LZTS1: variants seen among roughly 807,000 people sequenced by gnomAD.
LZTS1 encodes the protein leucine zipper tumor suppressor 1.
Under a neutral mutation model 45.8 loss-of-function variants are expected in LZTS1, and 31 were observed. That is an observed-to-expected ratio of 0.68 (90% CI 0.51 to 0.91). The LOEUF (loss-of-function observed/expected upper bound fraction) is 0.91. Among genes scored for constraint, LZTS1 ranks in the 40% least tolerant of loss-of-function variants. LZTS1 has a pLI of 0.00. For synonymous variants in LZTS1, 359 were observed against 357.3 expected (o/e 1.00, Z -0.05); for missense variants, 821 against 788.9 (o/e 1.04, Z -0.49).
At chr8:20,297,681 G>T (rs1396029565) in intron 1 of LZTS1, among the ~76,000 whole-genome samples, 1 of 152,118 alleles carries the variant, frequency 6.6e-6, no homozygotes, top group African/African-American at 2.4e-5. Flanking sequence ...CTCCTAAATT[G>T]CTGGGATTAC....
chr8:20,266,597 A>G (rs1800361189), intron 1 of LZTS1, among the ~76,000 whole-genome samples: 1 of 140,854 alleles, frequency 7.1e-6, no homozygotes, highest in South Asian at 2.4e-4. Context: ...GTTTTGGACC[A>G]AGACAAAAAA....
intron 1 of LZTS1, among the ~76,000 whole-genome samples, chr8:20,302,226 G>A (rs905440389): frequency 6.6e-6 from 1 of 152,108 alleles, no homozygotes; most frequent in Admixed American, 6.6e-5. Context: ...TCTATGATGA[G>A]CAGAAAGAGC....
intron 1 of LZTS1, among the ~76,000 whole-genome samples, chr8:20,278,837 G>T (rs1800632992): frequency 6.6e-6 from 1 of 152,118 alleles, no homozygotes; most frequent in African/African-American, 2.4e-5. Flanking sequence ...ACAGCTTCAG[G>T]TTCTTTTCCA....
intron 1 of LZTS1, among the ~76,000 whole-genome samples, chr8:20,276,568 C>T (rs1800587795): frequency 6.6e-6 from 1 of 152,244 alleles, no homozygotes; most frequent in Admixed American, 6.5e-5. Context: ...CTCTACGCAT[C>T]TCTTCATCTG....
intron 1 of LZTS1, among the ~76,000 whole-genome samples, chr8:20,295,238 G>A (rs1563901420): frequency 6.6e-6 from 1 of 152,192 alleles, no homozygotes; most frequent in Non-Finnish European, 1.5e-5. Context: ...GAGCTATCAG[G>A]AGAGCCCATG....
chr8:20,247,147 G>A lies in LZTS1; in HGVS notation c.*2575C>T, dbSNP rs751106239. On this transcript the variant is annotated 3_prime_UTR_variant, in exon 4 of 4. Coordinates refer to ENST00000381569, the MANE Select transcript of LZTS1 (RefSeq NM_021020.5). ...CCACCTTGGACGTAGGACAAGGCCT[G>A]GGGGGGACACATCTGGGCCGGCCTG... The A allele has an allele frequency of 1.3e-5, 2 of 152,576 alleles. No individual in the cohort carries two copies. Among genetic ancestry groups the A allele is most frequent in the Admixed American group, 1.3e-4 (2 of 15,278 alleles). 9.5% of individuals were successfully genotyped at this position (152,576 alleles called of 1,614,324 possible). A position where few individuals can be genotyped will look rare whatever the true frequency, so the allele number is the denominator to read the frequency against.
At chr8:20,297,343 T>C (rs1800993786) in intron 1 of LZTS1, among the ~76,000 whole-genome samples, 1 of 152,194 alleles carries the variant, frequency 6.6e-6, no homozygotes, top group Non-Finnish European at 1.5e-5. Flanking sequence ...TATGATAAAT[T>C]TCATTCTCTA....
intron 1 of LZTS1, among the ~76,000 whole-genome samples, chr8:20,261,953 C>T (rs1472527011): frequency 1.3e-5 from 2 of 152,224 alleles, no homozygotes; most frequent in African/African-American, 4.8e-5. Flanking sequence ...TGACATCCTT[C>T]CCTCCTTCTC....
intron 1 of LZTS1, among the ~76,000 whole-genome samples, chr8:20,268,150 G>T (rs1800398090): frequency 6.7e-6 from 1 of 149,840 alleles, no homozygotes; most frequent in Non-Finnish European, 1.5e-5. Context: ...CCTTTAGAAG[G>T]ACTCCCCACC....
intron 1 of LZTS1, among the ~76,000 whole-genome samples, chr8:20,300,391 G>T (rs967712785): frequency 6.6e-6 from 1 of 151,938 alleles, no homozygotes; most frequent in Non-Finnish European, 1.5e-5. Context: ...GGAGTGCAGT[G>T]ATGTGATCTC....
rs146827533 is a variant in LZTS1 at position 20,255,025 on chromosome 8, C to T, written c.157G>A (p.Gly53Ser). 16 of 1,614,206 alleles carry T rather than the reference C, an allele frequency of 9.9e-6. No individual in the cohort carries two copies. Among genetic ancestry groups the T allele is most frequent in the African/African-American group, 2.7e-5 (2 of 75,034 alleles). Residue 53 changes from glycine (G) to serine (S), a missense_variant, in exon 2 of 4, where the codon GGC becomes AGC. Transcript: ENST00000381569. ...TTGCCCATTTTGGAGCTGGACTTGC[C>T]GTGACCGGAGTCCTGGGAGAAGCCA... ...RFGFSQDSGHGKSSSKMGKSE... is the reference protein window; with the variant it reads ...RFGFSQDSGHSKSSSKMGKSE...
At chr8:20,253,802 A>T (rs1800016514) in intron 2 of LZTS1, among the ~76,000 whole-genome samples, 1 of 152,168 alleles carries the variant, frequency 6.6e-6, no homozygotes, top group Admixed American at 6.5e-5. Flanking sequence ...CGACTTGGGC[A>T]CTTTGTTCTA....
intron 1 of LZTS1, among the ~76,000 whole-genome samples, chr8:20,280,585 G>A (rs1186297980): frequency 6.6e-6 from 1 of 152,222 alleles, no homozygotes; most frequent in Non-Finnish European, 1.5e-5. Context: ...AGCACCGCCT[G>A]AATGTGGAAC....
Position 20,253,550 on chromosome 8 carries a change from G to C in LZTS1, c.381C>G (p.Phe127Leu). 2 of 1,497,290 alleles carry C rather than the reference G, an allele frequency of 1.3e-6. No individual in the cohort carries two copies. The highest frequency in any genetic ancestry group is 1.8e-6 in the Non-Finnish European group (2 of 1,124,732). The allele number at this position is 1,497,290 out of a possible 1,614,324, so 92.8% of individuals were successfully genotyped here. The change falls in exon 3 of 4, where the codon TTC becomes TTG. Residue 127 changes from phenylalanine to leucine, a missense_variant. Physicochemically the swap from Phe to Leu is conservative, Grantham distance 22. Transcript: ENST00000381569. ...SEKGAVRPTA[F>L]KPVLPRSGAI... ...CTCCTGACCGTGGCAGCACAGGCTTGAAGGCTGTGGGCCTCACTGCACCCT... is the reference window on the plus strand; with the variant it reads ...CTCCTGACCGTGGCAGCACAGGCTTCAAGGCTGTGGGCCTCACTGCACCCT...
At chr8:20,258,380 T>C (rs1203426588) in intron 1 of LZTS1, among the ~76,000 whole-genome samples, 6 of 152,080 alleles carry the variant, frequency 3.9e-5, no homozygotes, top group Admixed American at 3.3e-4. Flanking sequence ...TTAATTTTAA[T>C]TTTATTATAT....
At chr8:20,293,373 C>T (rs1800930381) in intron 1 of LZTS1, among the ~76,000 whole-genome samples, 2 of 152,194 alleles carry the variant, frequency 1.3e-5, no homozygotes, top group Admixed American at 1.3e-4. Context: ...CCACCACCTG[C>T]TCTTCCCTAT....
In LZTS1 at chr8:20,248,550, T is replaced by C. The variant is rs1221838607; in HGVS notation, c.*1172A>G. On this transcript the variant is annotated 3_prime_UTR_variant, in exon 4 of 4. Transcript: ENST00000381569. The stretch of plus-strand genomic sequence containing the variant: ...TGGCCAGGCTATTCACACTGCTGTG[T>C]GTATGCCTCTTTTTCGTCCTGCTTG... 2 of 152,240 alleles carry C rather than the reference T, an allele frequency of 1.3e-5. No individual in the cohort carries two copies. The highest frequency in any genetic ancestry group is 4.8e-5 in the African/African-American group (2 of 41,384). 9.4% of individuals were successfully genotyped at this position (152,240 alleles called of 1,614,324 possible).
At chr8:20,287,463 T>G (rs760931711) in intron 1 of LZTS1, among the ~76,000 whole-genome samples, 77 of 152,332 alleles carry the variant, frequency 5.1e-4, no homozygotes, top group Admixed American at 9.1e-4. Context: ...GCTCCCACCC[T>G]CAACTCTCTT....
chr8:20,270,874 G>C (rs1800459972), intron 1 of LZTS1, among the ~76,000 whole-genome samples: 1 of 151,474 alleles, frequency 6.6e-6, no homozygotes, highest in Non-Finnish European at 1.5e-5. Flanking sequence ...GGGAGACCTG[G>C]TTGATTTCAC....
Sources: allele counts gnomAD v4.1 joint callset (sites outside exome capture counted in the v4.1 genomes callset), GRCh38; gene constraint gnomAD v4.1.1; transcripts MANE v1.5; gene names NCBI Gene and HGNC (gene_info 2026-07-23, HGNC 2026-07-21).